The following SOCS2 variants were observed in gnomAD, a reference collection of about 807,000 sequenced individuals.
The protein encoded by SOCS2 is CIS-2.
Under a neutral mutation model 18.6 loss-of-function variants are expected in SOCS2, and 10 were observed. The observed-to-expected ratio is 0.54, with a 90% CI of 0.33 to 0.91. The LOEUF (loss-of-function observed/expected upper bound fraction) is 0.91, where lower values mean the gene tolerates loss of function less well. SOCS2 is among the 40% of genes least tolerant of loss of function. The pLI is 0.02. For synonymous variants in SOCS2, 104 were observed against 104.0 expected, an observed-to-expected ratio of 1.00 and a Z score of 0.00; for missense variants, 231 against 247.2, an observed-to-expected ratio of 0.93 and a Z score of 0.44.
At chr12:93,613,196 G>T in the SOCS2 span, among the ~76,000 whole-genome samples, 1 of 152,152 alleles carries the variant, frequency 6.6e-6, no homozygotes, top group East Asian at 1.9e-4. Context: ...TTTTGAATGA[G>T]AATAAAGAGC....
chr12:93,584,898 G>C (rs1014875530), downstream of SOCS2, among the ~76,000 whole-genome samples: 21 of 152,070 alleles, frequency 1.4e-4, no homozygotes, highest in Non-Finnish European at 2.8e-4. Context: ...GAGTAGCTGG[G>C]ATTACAGGTG....
Position 93,572,815 on chromosome 12 carries a change from C to A in SOCS2, c.-83C>A. The A allele has an allele frequency of 6.5e-7, 1 of 1,533,952 alleles. No individual in the cohort carries two copies. Among genetic ancestry groups the A allele is most frequent in the Non-Finnish European group, 8.8e-7 (1 of 1,132,882 alleles). On this transcript the variant is annotated 5_prime_UTR_variant, in exon 1 of 2. Transcript: ENST00000551556. This position sits in a 1 kb window ranked among gnomAD's most constrained non-coding sequence, Gnocchi z 5.0. ...CCGCAGGGACTCGTTTTGGGATTCG[C>A]ACTGACTTCAAGGAAGGACGCGAAC...
chr12:93,581,646 A>G (rs1445652891), downstream of SOCS2, among the ~76,000 whole-genome samples: 2 of 151,912 alleles, frequency 1.3e-5, no homozygotes, highest in Admixed American at 1.3e-4. Flanking sequence ...AGCTTCGTTC[A>G]TTTATCTCAT....
chr12:93,591,623 G>A, the SOCS2 span, among the ~76,000 whole-genome samples: 3 of 152,208 alleles, frequency 2.0e-5, no homozygotes, highest in South Asian at 4.1e-4. Flanking sequence ...TGTGGCCAGG[G>A]TAGAGTGCGG....
the SOCS2 span, among the ~76,000 whole-genome samples, chr12:93,624,007 G>T: frequency 3.1e-4 from 47 of 152,254 alleles, 1 homozygote; most frequent in African/African-American, 1.1e-3. Flanking sequence ...CCCAGCCTGA[G>T]CCACTGCGCC....
At chr12:93,624,136 G>A in the SOCS2 span, among the ~76,000 whole-genome samples, 1 of 152,226 alleles carries the variant, frequency 6.6e-6, no homozygotes, top group Non-Finnish European at 1.5e-5. Flanking sequence ...ACTAGTGTTT[G>A]TCCCTTGTTA....
In SOCS2 at chr12:93,572,775, A is replaced by T. The variant is rs550973552; in HGVS notation, c.-123A>T. 1 of 1,243,436 alleles carries T rather than the reference A, an allele frequency of 8.0e-7. No homozygotes were observed. Among genetic ancestry groups the T allele is most frequent in the Admixed American group, 2.0e-5 (1 of 50,646 alleles). 77.0% of individuals were successfully genotyped at this position (1,243,436 alleles called of 1,614,324 possible). A position where few individuals can be genotyped will look rare whatever the true frequency, so the allele number is the denominator to read the frequency against. On this transcript the variant is annotated 5_prime_UTR_variant, in exon 1 of 2. Coordinates refer to ENST00000551556, the MANE Select transcript of SOCS2 (RefSeq NM_001270471.2). This position sits in a 1 kb window ranked among gnomAD's most constrained non-coding sequence, Gnocchi z 5.0. The stretch of plus-strand genomic sequence containing the variant: ...GAGCCCCATCCCTTCTCTCTCTGCC[A>T]CCATTTCGGACACCCCGCAGGGACT...
At chr12:93,608,034 T>C in the SOCS2 span, among the ~76,000 whole-genome samples, 192 of 147,934 alleles carry the variant, frequency 1.3e-3, 1 homozygote, top group African/African-American at 4.7e-3. Flanking sequence ...CAGGGCATCA[T>C]TTATCACCCA....
chr12:93,581,370 GCCCAGTGCTTAGAGCAGAATAGGAGTGAA>G (rs1165981513), downstream of SOCS2, among the ~76,000 whole-genome samples: 5 of 151,736 alleles, frequency 3.3e-5, no homozygotes, highest in Admixed American at 6.6e-5. Flanking sequence ...TTTATACCAA[GCCCAGTGCTTAGAGCAGAATAGGAGTGAA>G]CAATTCAAGG....
the SOCS2 span, among the ~76,000 whole-genome samples, chr12:93,624,263 C>A: frequency 1.3e-5 from 2 of 152,172 alleles, no homozygotes; most frequent in Non-Finnish European, 2.9e-5. Context: ...GACTTCCCAG[C>A]TTCCAGAACT....
chr12:93,613,571 C>T, the SOCS2 span, among the ~76,000 whole-genome samples: 3 of 152,090 alleles, frequency 2.0e-5, no homozygotes, highest in Non-Finnish European at 4.4e-5. Context: ...CTCACAGAGA[C>T]GGGCTACTGA....
At position 93,574,953 on chromosome 12, in the gene SOCS2, A is replaced by T. The variant is rs1429972335; in HGVS notation, c.371A>T (p.His124Leu). The T allele has an allele frequency of 6.2e-7, 1 of 1,614,212 alleles. No homozygotes were observed. The highest frequency in any genetic ancestry group is 8.5e-7 in the Non-Finnish European group (1 of 1,180,040). The stretch of plus-strand genomic sequence containing the variant: ...CTTAAACAATTTGACAGTGTGGTTC[A>T]TCTGATCGACTACTATGTTCAGATG... Reference protein sequence around the residue: ...SKLKQFDSVVHLIDYYVQMCK... With the variant: ...SKLKQFDSVVLLIDYYVQMCK... The change falls in exon 2 of 2, where the codon CAT (histidine) becomes CTT (leucine). Residue 124 changes from histidine to leucine, a missense_variant. This residue lies in a region of SOCS2 where 122 missense variants were observed against 127.2 expected (regional missense o/e 0.96). Coordinates refer to ENST00000551556, the MANE Select transcript of SOCS2 (RefSeq NM_001270471.2).
At chr12:93,591,915 G>C in the SOCS2 span, among the ~76,000 whole-genome samples, 1 of 152,182 alleles carries the variant, frequency 6.6e-6, no homozygotes, top group Non-Finnish European at 1.5e-5. Flanking sequence ...CAGGGATGTG[G>C]CTTCTATAGA....
chr12:93,579,729 T>C (rs1467759709), downstream of SOCS2, among the ~76,000 whole-genome samples: 1 of 152,298 alleles, frequency 6.6e-6, no homozygotes, highest in South Asian at 2.1e-4. Context: ...ACAAGTGTTG[T>C]TAGAGTGGCC....
At chr12:93,593,417 C>G in the SOCS2 span, among the ~76,000 whole-genome samples, 5 of 152,108 alleles carry the variant, frequency 3.3e-5, no homozygotes, top group Admixed American at 6.5e-5. Context: ...CTGGAAGCAA[C>G]TTGACCTTGA....
chr12:93,578,706 A>ACACAGG (rs1407575946), downstream of SOCS2, among the ~76,000 whole-genome samples: 1 of 151,940 alleles, frequency 6.6e-6, no homozygotes. Context: ...ACACACACAC[A>ACACAGG]CACACAGGCA....
chr12:93,597,686 G>A, the SOCS2 span, among the ~76,000 whole-genome samples: 1 of 152,118 alleles, frequency 6.6e-6, no homozygotes, highest in Non-Finnish European at 1.5e-5. Context: ...AGGGAATATT[G>A]TAACAATACT....
At chr12:93,606,415 A>C in the SOCS2 span, among the ~76,000 whole-genome samples, 7 of 152,110 alleles carry the variant, frequency 4.6e-5, no homozygotes, top group African/African-American at 1.7e-4. Flanking sequence ...CAAATGCTGT[A>C]GGTCACACAG....
chr12:93,582,030 C>T (rs1448075678), intron 1 of SOCS2, among the ~76,000 whole-genome samples: 2 of 152,206 alleles, frequency 1.3e-5, no homozygotes, highest in East Asian at 1.9e-4. Context: ...TGTATAGGAG[C>T]TGTAATTACA....
Sources: allele counts gnomAD v4.1 joint callset (sites outside exome capture counted in the v4.1 genomes callset), GRCh38; gene constraint gnomAD v4.1.1; regional missense constraint gnomAD v4.1.1; non-coding constraint Gnocchi (gnomAD v3.1); transcripts MANE v1.5; gene names NCBI Gene and HGNC (gene_info 2026-07-23, HGNC 2026-07-21).